Variants in CHP1 observed in about 807,000 individuals in gnomAD.
CHP1 encodes the protein calcineurin like EF-hand protein 1.
A neutral mutation model predicts 27.4 loss-of-function variants in CHP1; 11 were observed. That is an observed-to-expected ratio of 0.40 (90% CI 0.25 to 0.67). CHP1 has a LOEUF of 0.67. Ranked by LOEUF, CHP1 falls within the 30% of genes least tolerant of loss-of-function variation. The pLI is 0.38. For missense variants in CHP1, 169 were observed against 251.3 expected (o/e 0.67, Z 2.22); for synonymous variants, 89 against 87.4 (o/e 1.02, Z -0.10).
At chr15:41,263,018 G>T (rs1486953895) in intron 4 of CHP1, 135 bp downstream of exon 4, 18 of 1,185,702 alleles carry the variant, frequency 1.5e-5, no homozygotes, top group Non-Finnish European at 2.0e-5. Flanking sequence ...AGCTAAACTG[G>T]CCAAGATTAA....
chr15:41,251,371 GA>G (rs1280987937), intron 2 of CHP1, among the ~76,000 whole-genome samples: 5 of 152,072 alleles, frequency 3.3e-5, no homozygotes, highest in African/African-American at 1.2e-4. Context: ...TCAGAACAAA[GA>G]ATATTTAAAG....
chr15:41,238,295 G>A (rs1044503461), intron 1 of CHP1, among the ~76,000 whole-genome samples: 2 of 151,790 alleles, frequency 1.3e-5, no homozygotes, highest in African/African-American at 2.4e-5. Context: ...ATAGCTCAGC[G>A]TACAGGAATG....
chr15:41,231,582 C>T (rs934489347), intron 1 of CHP1, 133 bp downstream of exon 1: 11 of 793,280 alleles, frequency 1.4e-5, no homozygotes, highest in Middle Eastern at 3.0e-4. Flanking sequence ...GGTTTGGGGA[C>T]CGAGAGCTGG....
chr15:41,270,630 GCTC>G lies in CHP1; in HGVS notation c.411+16_411+18del. The G allele has an allele frequency of 6.2e-7, 1 of 1,608,528 alleles. No homozygotes were observed. Among genetic ancestry groups the G allele is most frequent in the Admixed American group, 1.7e-5 (1 of 59,974 alleles). The stretch of plus-strand genomic sequence containing the variant: ...ATGAGCTGTTACAGGTATGTGGAGA[GCTC>G]CTCGAGAACTTGTGCTTGGACTCTG... On this transcript the variant is annotated intron_variant, in intron 5 of 6. Transcript: ENST00000334660.
chr15:41,240,464 A>G (rs2047300534), intron 1 of CHP1, among the ~76,000 whole-genome samples: 1 of 152,166 alleles, frequency 6.6e-6, no homozygotes, highest in African/African-American at 2.4e-5. Flanking sequence ...ATTAGATGAT[A>G]TATGAAGAGC....
chr15:41,232,486 C>A (rs1299797757), intron 1 of CHP1, among the ~76,000 whole-genome samples: 4 of 151,950 alleles, frequency 2.6e-5, no homozygotes, highest in Non-Finnish European at 5.9e-5. Flanking sequence ...GCTGGGATTA[C>A]AGGTGTGAGC....
At chr15:41,256,882 A>T (rs371089477) in intron 2 of CHP1, 28 bp from the exon 3 acceptor site, 31 of 1,601,864 alleles carry the variant, frequency 1.9e-5, no homozygotes, top group Non-Finnish European at 2.6e-5. Flanking sequence ...AATGATCTCT[A>T]TCTAACTCAA....
intron 5 of CHP1, among the ~76,000 whole-genome samples, chr15:41,275,065 G>C (rs746560844): frequency 1.9e-4 from 29 of 152,084 alleles, no homozygotes; most frequent in Admixed American, 3.3e-4. Context: ...TGGGATTACA[G>C]GCGTGAGCCA....
At chr15:41,269,526 C>T (rs1166107284) in intron 4 of CHP1, among the ~76,000 whole-genome samples, 1 of 152,114 alleles carries the variant, frequency 6.6e-6, no homozygotes, top group Admixed American at 6.6e-5. Context: ...TGTTACCTCT[C>T]CTTGATATTT....
At chr15:41,238,656 C>T (rs1455538500) in intron 1 of CHP1, among the ~76,000 whole-genome samples, 5 of 149,272 alleles carry the variant, frequency 3.3e-5, no homozygotes, top group African/African-American at 7.5e-5. Context: ...CTGGCTAACA[C>T]GGTGAAACCT....
At chr15:41,251,519 G>A (rs150375062) in intron 2 of CHP1, among the ~76,000 whole-genome samples, 4 of 152,248 alleles carry the variant, frequency 2.6e-5, no homozygotes, top group East Asian at 1.9e-4. Flanking sequence ...GTTAGGAACC[G>A]GGCTACACAG....
chr15:41,231,271 G>T lies in CHP1; in HGVS notation c.-112G>T. ...CTGGGTTCCCTCCCGGGTCCGCAGTGGAAACACTGCCCTCTCCCTTCTTGA... is the reference window on the plus strand; with the variant it reads ...CTGGGTTCCCTCCCGGGTCCGCAGTTGAAACACTGCCCTCTCCCTTCTTGA... On this transcript the variant is annotated 5_prime_UTR_variant, in exon 1 of 7. Coordinates refer to ENST00000334660, the MANE Select transcript of CHP1 (RefSeq NM_007236.5). The T allele has an allele frequency of 8.9e-7, 1 of 1,117,732 alleles. No homozygotes were observed. Among genetic ancestry groups the T allele is most frequent in the South Asian group, 1.4e-5 (1 of 73,224 alleles). The allele number at this position is 1,117,732 out of a possible 1,614,324, so 69.2% of individuals were successfully genotyped here.
At chr15:41,231,804 C>T (rs2047246051) in intron 1 of CHP1, among the ~76,000 whole-genome samples, 1 of 152,082 alleles carries the variant, frequency 6.6e-6, no homozygotes, top group African/African-American at 2.4e-5. Flanking sequence ...GTAGGTAAAG[C>T]CCGAGAAGCA....
intron 5 of CHP1, among the ~76,000 whole-genome samples, chr15:41,270,977 C>T (rs772680429): frequency 5.9e-5 from 9 of 151,984 alleles, no homozygotes; most frequent in Non-Finnish European, 1.3e-4. Flanking sequence ...AGCCATCGGC[C>T]GGGCGCTTTG....
Position 41,281,648 on chromosome 15 carries a change from T to G in CHP1, c.*2259T>G, listed in dbSNP as rs1205347927. The G allele has an allele frequency of 6.6e-6, 1 of 152,596 alleles. No individual in the cohort carries two copies. The highest frequency in any genetic ancestry group is 2.4e-5 in the African/African-American group (1 of 41,440). The allele number at this position is 152,596 out of a possible 1,614,324, so 9.5% of individuals were successfully genotyped here. ...TGAATGAGGAATTCTTTATGAAGTA[T>G]CAGTCAGATTTTATGATTAAGTGAT... On this transcript the variant is annotated 3_prime_UTR_variant, in exon 7 of 7. Coordinates refer to ENST00000334660, the MANE Select transcript of CHP1 (RefSeq NM_007236.5).
chr15:41,249,072 C>T (rs991752003), intron 2 of CHP1, among the ~76,000 whole-genome samples: 15 of 152,172 alleles, frequency 9.9e-5, no homozygotes, highest in Admixed American at 6.5e-4. Flanking sequence ...CCTTTGTTGC[C>T]AAACTCAGCT....
At position 41,262,793 on chromosome 15, in the gene CHP1, T is replaced by C. The variant is rs145600828; in HGVS notation, c.259T>C (p.Leu87=). 45 of 1,613,436 alleles carry C rather than the reference T, an allele frequency of 2.8e-5. No homozygotes were observed. In the African/African-American group the frequency reaches 5.6e-4, roughly 20 times the overall value. ...AAACTTCCGTGGATTCATGCGAACTTTGGCTCATTTCCGCCCCATTGAGGA... is the reference window on the plus strand; with the variant it reads ...AAACTTCCGTGGATTCATGCGAACTCTGGCTCATTTCCGCCCCATTGAGGA... ...QVNFRGFMRT[L]AHFRPIEDNE... Residue 87 remains leucine, a synonymous_variant, in exon 4 of 7, where the codon TTG becomes CTG. Transcript: ENST00000334660.
At position 41,280,750 on chromosome 15, in the gene CHP1, A is replaced by G. The variant is rs978474495; in HGVS notation, c.*1361A>G. 4.0e-5 allele frequency: 6 copies of G among 151,008 alleles called. No individual in the cohort carries two copies. The highest frequency in any genetic ancestry group is 1.5e-4 in the African/African-American group (6 of 40,970). The allele number at this position is 151,008 out of a possible 1,614,324, so 9.4% of individuals were successfully genotyped here. A position where few individuals can be genotyped will look rare whatever the true frequency, so the allele number is the denominator to read the frequency against. On this transcript the variant is annotated 3_prime_UTR_variant, in exon 7 of 7. Transcript: ENST00000334660. Reference sequence around the variant, plus strand: ...CTGGTCTCGAACTCCTGACCTCGTGATCCGCCTGCCTCAGCCTCCCAAAGT... The same window carrying G: ...CTGGTCTCGAACTCCTGACCTCGTGGTCCGCCTGCCTCAGCCTCCCAAAGT...
At chr15:41,262,061 C>G (rs751074920) in intron 3 of CHP1, among the ~76,000 whole-genome samples, 26 of 150,518 alleles carry the variant, frequency 1.7e-4, no homozygotes, top group African/African-American at 3.2e-4. Context: ...TCCAGCTAGT[C>G]AGGAGGCTAA....
Sources: gnomAD v4.1 joint callset for allele counts (sites outside exome capture counted in the v4.1 genomes callset) on GRCh38, gnomAD v4.1.1 for gene constraint, MANE v1.5 for transcripts, NCBI Gene and HGNC (gene_info 2026-07-23, HGNC 2026-07-21) for gene names.